NELL1: variants seen among roughly 807,000 people sequenced by gnomAD.
NELL1 encodes neural EGFL like 1.
NELL1 carries 76 observed loss-of-function variants against 107.4 expected under a neutral mutation model. The observed-to-expected ratio is 0.71, with a 90% CI of 0.59 to 0.86. The LOEUF (loss-of-function observed/expected upper bound fraction) is 0.86. Among genes scored for constraint, NELL1 ranks in the 40% least tolerant of loss-of-function variants. The pLI is 0.00. For missense variants in NELL1, 1,024 were observed against 1,005.5 expected (o/e 1.02, Z -0.25); for synonymous variants, 353 against 341.2 (o/e 1.03, Z -0.38).
At chr11:21,341,868 G>T (rs1850575752) in intron 14 of NELL1, among the ~76,000 whole-genome samples, 1 of 152,034 alleles carries the variant, frequency 6.6e-6, no homozygotes, top group Admixed American at 6.5e-5. Context: ...TTTTGGAGAA[G>T]AAATCAATTG....
chr11:20,823,054 C>G (rs992980501), intron 3 of NELL1, among the ~76,000 whole-genome samples: 2 of 151,632 alleles, frequency 1.3e-5, no homozygotes, highest in African/African-American at 4.8e-5. Context: ...CAGTAAACAG[C>G]AGAAAATACA....
intron 12 of NELL1, among the ~76,000 whole-genome samples, chr11:21,080,351 TC>T (rs1180114881): frequency 3.9e-5 from 6 of 152,130 alleles, no homozygotes; most frequent in Non-Finnish European, 8.8e-5. Flanking sequence ...TTCTTGGATG[TC>T]CTTTTCATGA....
intron 14 of NELL1, among the ~76,000 whole-genome samples, chr11:21,343,743 C>CA (rs772065381): frequency 4.7e-4 from 72 of 152,034 alleles, no homozygotes; most frequent in Non-Finnish European, 6.5e-4. Flanking sequence ...AGTTTACTTA[C>CA]AAAAAAATAG....
intron 14 of NELL1, among the ~76,000 whole-genome samples, chr11:21,309,860 C>T (rs1164273813): frequency 1.3e-5 from 2 of 152,166 alleles, no homozygotes; most frequent in East Asian, 1.9e-4. Flanking sequence ...TCAGTCACCT[C>T]CCCCTGGGTT....
At chr11:21,162,615 T>C (rs1004626010) in intron 13 of NELL1, among the ~76,000 whole-genome samples, 4 of 152,278 alleles carry the variant, frequency 2.6e-5, no homozygotes, top group African/African-American at 4.8e-5. Flanking sequence ...CAAGAATGCA[T>C]AGGGCTTGGA....
At position 21,287,289 on chromosome 11, in the gene NELL1, A is replaced by T. The variant is rs147917861; in HGVS notation, c.1549+57835A>T. ...TTTTCTTATCATTGGTAACTTCCTAATTTCTCTTACTGCAAGTATAGCTTC... is the reference window on the plus strand; with the variant it reads ...TTTTCTTATCATTGGTAACTTCCTATTTTCTCTTACTGCAAGTATAGCTTC... On this transcript the variant is annotated intron_variant, in intron 14 of 19. Coordinates refer to ENST00000357134, the MANE Select transcript of NELL1 (RefSeq NM_006157.5). Among the ~76,000 whole-genome samples, 558 of 151,876 alleles carry T rather than the reference A, an allele frequency of 3.7e-3. 4 individuals carry two copies. Among genetic ancestry groups the T allele is most frequent in the African/African-American group, 0.013 (533 of 41,402 alleles).
At chr11:20,706,668 T>C (rs1332726803) in intron 2 of NELL1, among the ~76,000 whole-genome samples, 5 of 151,732 alleles carry the variant, frequency 3.3e-5, no homozygotes, top group African/African-American at 9.7e-5. Context: ...CTTATAATAA[T>C]AACAAAATAA....
intron 3 of NELL1, among the ~76,000 whole-genome samples, chr11:20,813,985 T>A (rs891271032): frequency 1.9e-3 from 276 of 149,100 alleles, no homozygotes; most frequent in Admixed American, 3.5e-3. Context: ...ATAAATAAAT[T>A]TATTTATTTA....
intron 14 of NELL1, among the ~76,000 whole-genome samples, chr11:21,271,838 A>C (rs1848746006): frequency 6.6e-6 from 1 of 152,232 alleles, no homozygotes; most frequent in Admixed American, 6.5e-5. Flanking sequence ...AATCATTTGA[A>C]TTGATGTGTT....
chr11:21,506,868 G>A (rs1337127540), intron 15 of NELL1, among the ~76,000 whole-genome samples: 1 of 152,172 alleles, frequency 6.6e-6, no homozygotes, highest in African/African-American at 2.4e-5. Context: ...TCCTAGAAGG[G>A]ACCTAGGAGT....
chr11:21,491,583 C>T (rs181004483), intron 15 of NELL1, among the ~76,000 whole-genome samples: 1,585 of 152,260 alleles, frequency 0.01, 8 homozygotes, highest in Middle Eastern at 0.024. Context: ...CAGTACCATG[C>T]TGTTTGGGTT....
intron 12 of NELL1, among the ~76,000 whole-genome samples, chr11:21,059,551 C>T (rs1327384584): frequency 6.6e-6 from 1 of 152,008 alleles, no homozygotes; most frequent in Non-Finnish European, 1.5e-5. Flanking sequence ...TTTATTTCAC[C>T]AAGCCATAGA....
At chr11:21,321,896 A>G (rs1436436170) in intron 14 of NELL1, among the ~76,000 whole-genome samples, 1 of 152,242 alleles carries the variant, frequency 6.6e-6, no homozygotes, top group African/African-American at 2.4e-5. Context: ...TTGAATCTAG[A>G]TTTATGTCAC....
At chr11:20,719,570 G>T (rs1262167108) in intron 2 of NELL1, among the ~76,000 whole-genome samples, 1 of 152,108 alleles carries the variant, frequency 6.6e-6, no homozygotes, top group African/African-American at 2.4e-5. Context: ...ATGTTCTTTA[G>T]CTCCCTGGAA....
intron 12 of NELL1, among the ~76,000 whole-genome samples, chr11:21,101,706 T>C (rs996878388): frequency 7.2e-5 from 11 of 152,128 alleles, no homozygotes; most frequent in African/African-American, 2.7e-4. Context: ...TTCTTGTAAG[T>C]TTGTTTGAGT....
At chr11:21,128,352 AT>A (rs1359344810) in intron 13 of NELL1, among the ~76,000 whole-genome samples, 12 of 152,140 alleles carry the variant, frequency 7.9e-5, no homozygotes, top group African/African-American at 2.7e-4. Flanking sequence ...ATGAATTAGC[AT>A]TTTTCCCCCC....
At chr11:20,843,893 G>A (rs575805651) in intron 3 of NELL1, among the ~76,000 whole-genome samples, 7 of 152,212 alleles carry the variant, frequency 4.6e-5, no homozygotes, top group South Asian at 2.1e-4. Context: ...ACCCAAGGGT[G>A]GACCTTTGAG....
chr11:21,035,109 A>G (rs1853056551), intron 12 of NELL1, among the ~76,000 whole-genome samples: 1 of 151,998 alleles, frequency 6.6e-6, no homozygotes, highest in Admixed American at 6.6e-5. Flanking sequence ...CTATATATAT[A>G]AACTGGAAAA....
intron 16 of NELL1, among the ~76,000 whole-genome samples, chr11:21,536,165 T>A (rs922454035): frequency 6.6e-6 from 1 of 152,172 alleles, no homozygotes; most frequent in Non-Finnish European, 1.5e-5. Context: ...CTGGGTAAAC[T>A]GCACATTGCT....
Sources: gnomAD v4.1 joint callset for allele counts (sites outside exome capture counted in the v4.1 genomes callset) on GRCh38, gnomAD v4.1.1 for gene constraint, MANE v1.5 for transcripts, NCBI Gene and HGNC (gene_info 2026-07-23, HGNC 2026-07-21) for gene names.